The following NPIPA1 variants were observed in gnomAD, a reference collection of about 807,000 sequenced individuals.
NPIPA1 encodes the protein nuclear pore complex interacting protein family member A1, also known as nuclear pore complex-interacting protein family member A1.
For synonymous variants in NPIPA1, 7 were observed against 88.0 expected (o/e 0.08, Z 5.15); for missense variants, 22 against 232.2 (o/e 0.09, Z 5.88).
chr16:14,947,777 G>T (rs1250223732), intron 4 of NPIPA1, among the ~76,000 whole-genome samples: 2 of 152,246 alleles, frequency 1.3e-5, no homozygotes, highest in Admixed American at 6.5e-5. Context: ...CTCAAGAGTA[G>T]AATGCTTCCT....
intron 4 of NPIPA1, among the ~76,000 whole-genome samples, chr16:14,946,229 C>CTT (rs1166253398): frequency 1.7e-3 from 149 of 89,812 alleles, no homozygotes; most frequent in African/African-American, 6.4e-3. Flanking sequence ...TTCTCTCTCT[C>CTT]TTTTTTTTTT....
intron 2 of NPIPA1, among the ~76,000 whole-genome samples, chr16:14,944,907 ATT>A (rs71270869): frequency 4.3e-4 from 53 of 122,980 alleles, no homozygotes; most frequent in Middle Eastern, 4.6e-3. Flanking sequence ...CCTGGCCTAT[ATT>A]TTTTTTTTTT....
chr16:14,942,981 T>G (rs1965788131), intron 2 of NPIPA1, among the ~76,000 whole-genome samples: 2 of 152,288 alleles, frequency 1.3e-5, no homozygotes, highest in African/African-American at 4.8e-5. Flanking sequence ...AGAGGAAGTA[T>G]GTTTCAGTTT....
chr16:14,943,178 A>G (rs377655023), intron 2 of NPIPA1, among the ~76,000 whole-genome samples: 78 of 150,234 alleles, frequency 5.2e-4, no homozygotes, highest in African/African-American at 1.8e-3. Context: ...TCACCCCCAA[A>G]AGGAGTCTCC....
At position 14,944,563 on chromosome 16, in the gene NPIPA1, G is replaced by A. The variant is rs71261664; in HGVS notation, c.193-1011G>A. 6.0e-5 allele frequency among the ~76,000 whole-genome samples: 9 copies of A among 149,378 alleles called. No individual in the cohort carries two copies. The East Asian group carries it at 1.2e-3, about 21-fold the overall frequency. ...ACAAGATGATAATTACCATCTAACC[G>A]TGTTGAAGTGTACAGTTCAGTTGTG... On this transcript the variant is annotated intron_variant, in intron 2 of 7. Transcript: ENST00000328085.
intron 1 of NPIPA1, among the ~76,000 whole-genome samples, chr16:14,938,016 C>T (rs1250535774): frequency 2.7e-3 from 385 of 142,142 alleles, no homozygotes; most frequent in African/African-American, 9.1e-3. Flanking sequence ...TTCTTCTTCT[C>T]CTCCTCCTCC....
intron 1 of NPIPA1, among the ~76,000 whole-genome samples, chr16:14,941,133 CAACA>C (rs1965741762): frequency 6.6e-6 from 1 of 151,266 alleles, no homozygotes; most frequent in African/African-American, 2.4e-5. Context: ...ATCTCAAAAA[CAACA>C]AACAAAAACA....
At chr16:14,940,480 AG>A (rs1965723900) in intron 1 of NPIPA1, among the ~76,000 whole-genome samples, 1 of 149,238 alleles carries the variant, frequency 6.7e-6, no homozygotes, top group Admixed American at 6.7e-5. Context: ...AGGCCGAGGC[AG>A]GTGGATCATG....
intron 2 of NPIPA1, among the ~76,000 whole-genome samples, chr16:14,942,899 G>T (rs1363890254): frequency 1.3e-5 from 2 of 152,272 alleles, no homozygotes; most frequent in Non-Finnish European, 2.9e-5. Flanking sequence ...TTGTGTGGGG[G>T]CTGAACCTCC....
chr16:14,941,361 G>C, intron 1 of NPIPA1, among the ~76,000 whole-genome samples: 1 of 136,662 alleles, frequency 7.3e-6, no homozygotes, highest in East Asian at 2.7e-4. Context: ...CTTGAGCCCA[G>C]GAGCTGGAGG....
intron 2 of NPIPA1, among the ~76,000 whole-genome samples, chr16:14,943,983 T>C (rs1193064885): frequency 6.6e-6 from 1 of 152,110 alleles, no homozygotes; most frequent in Non-Finnish European, 1.5e-5. Flanking sequence ...ATCCCATCTC[T>C]ACTAAAAAGA....
At chr16:14,941,245 G>A (rs1225347668) in intron 1 of NPIPA1, among the ~76,000 whole-genome samples, 4 of 147,456 alleles carry the variant, frequency 2.7e-5, no homozygotes, top group African/African-American at 7.4e-5. Context: ...GGCCAGACTG[G>A]CCAACATGGT....
intron 1 of NPIPA1, among the ~76,000 whole-genome samples, chr16:14,940,052 T>C (rs1965711142): frequency 1.4e-5 from 1 of 69,562 alleles, no homozygotes; most frequent in Admixed American, 1.9e-4. Flanking sequence ...CGTGCCACCA[T>C]GCCCTGCTAA....
At chr16:14,943,194 T>C (rs2151078477) in intron 2 of NPIPA1, among the ~76,000 whole-genome samples, 2 of 152,208 alleles carry the variant, frequency 1.3e-5, no homozygotes, top group South Asian at 4.2e-4. Context: ...TCTCCCTCTG[T>C]TGCCCAGGCT....
At chr16:14,937,594 AG>A (rs1965645467) in intron 1 of NPIPA1, 89 bp downstream of exon 1, 1 of 619,662 alleles carries the variant, frequency 1.6e-6, no homozygotes, top group South Asian at 1.9e-5. Context: ...GAGCTCAGGA[AG>A]GAAGGAGCGC....
At chr16:14,938,792 G>A in intron 1 of NPIPA1, among the ~76,000 whole-genome samples, 1 of 151,972 alleles carries the variant, frequency 6.6e-6, no homozygotes, top group Non-Finnish European at 1.5e-5. Context: ...AGGCTGGAGT[G>A]CAGTGGCAAG....
At chr16:14,941,139 AC>A (rs1402786205) in intron 1 of NPIPA1, among the ~76,000 whole-genome samples, 1 of 151,836 alleles carries the variant, frequency 6.6e-6, no homozygotes, top group African/African-American at 2.4e-5. Flanking sequence ...AAAACAACAA[AC>A]AAAAACAAAA....
At chr16:14,944,968 A>G (rs1264505555) in intron 2 of NPIPA1, among the ~76,000 whole-genome samples, 1 of 148,548 alleles carries the variant, frequency 6.7e-6, no homozygotes, top group Non-Finnish European at 1.5e-5. Flanking sequence ...TTGGAGTGCA[A>G]TGGCACAATC....
At chr16:14,938,106 C>G in intron 1 of NPIPA1, 3 of 399,508 alleles carry the variant, frequency 7.5e-6, no homozygotes, top group East Asian at 8.6e-5. Flanking sequence ...CTCCCCTCCC[C>G]CTCCCCAACT....
Sources: gnomAD v4.1 joint callset for allele counts (sites outside exome capture counted in the v4.1 genomes callset) on GRCh38, gnomAD v4.1.1 for gene constraint, MANE v1.5 for transcripts, NCBI Gene and HGNC (gene_info 2026-07-23, HGNC 2026-07-21) for gene names.